The following DGKB variants were observed in gnomAD, a reference collection of about 807,000 sequenced individuals.
DGKB encodes diacylglycerol kinase beta.
In DGKB, 67 loss-of-function variants were observed where a neutral mutation model predicts 114.3. That is an observed-to-expected ratio of 0.59 (90% CI 0.48 to 0.72). The LOEUF (loss-of-function observed/expected upper bound fraction) is 0.72, where lower values mean the gene tolerates loss of function less well. DGKB is among the 30% of genes least tolerant of loss of function. The probability of loss-of-function intolerance (pLI) is 0.00; values close to 1 mark genes in which losing one functional copy is unlikely to be tolerated. For synonymous variants in DGKB, 398 were observed against 323.1 expected, an observed-to-expected ratio of 1.23 and a Z score of -2.49; for missense variants, 907 against 975.2, an observed-to-expected ratio of 0.93 and a Z score of 0.93.
intron 1 of DGKB, among the ~76,000 whole-genome samples, chr7:14,949,738 G>A (rs1017198839): frequency 6.6e-6 from 1 of 151,982 alleles, no homozygotes; most frequent in African/African-American, 2.4e-5. Flanking sequence ...TTAAGAAAAT[G>A]TGGCACATAT....
intron 12 of DGKB, among the ~76,000 whole-genome samples, chr7:14,679,129 C>A (rs1192806711): frequency 6.6e-6 from 1 of 151,866 alleles, no homozygotes; most frequent in Non-Finnish European, 1.5e-5. Context: ...GACAACTATC[C>A]ATCCTTCTAC....
At chr7:14,229,487 G>A (rs947665113) in intron 23 of DGKB, among the ~76,000 whole-genome samples, 21 of 152,082 alleles carry the variant, frequency 1.4e-4, no homozygotes, top group African/African-American at 4.6e-4. Flanking sequence ...TGGGTCTAGA[G>A]TTGTATATGC....
intron 25 of DGKB, chr7:14,176,334 T>A: frequency 1.0e-6 from 1 of 984,198 alleles, no homozygotes. Context: ...CCTTAAATAA[T>A]ACCTCATTCT....
chr7:14,918,064 A>T (rs888424045), intron 1 of DGKB, among the ~76,000 whole-genome samples: 2 of 152,162 alleles, frequency 1.3e-5, no homozygotes, highest in Non-Finnish European at 2.9e-5. Context: ...CCCATTCTTC[A>T]TGAAAAATCT....
At chr7:14,572,811 T>C (rs1798589723) in intron 20 of DGKB, among the ~76,000 whole-genome samples, 1 of 152,166 alleles carries the variant, frequency 6.6e-6, no homozygotes, top group Non-Finnish European at 1.5e-5. Context: ...GATGCAAAAC[T>C]CCTATATTGT....
At chr7:14,479,801 T>A (rs575513340) in intron 20 of DGKB, among the ~76,000 whole-genome samples, 1 of 152,222 alleles carries the variant, frequency 6.6e-6, no homozygotes, top group East Asian at 1.9e-4. Context: ...AATTAATTAA[T>A]TTTGAAATGC....
intron 20 of DGKB, among the ~76,000 whole-genome samples, chr7:14,544,104 A>C (rs2128625861): frequency 6.6e-6 from 1 of 152,368 alleles, no homozygotes; most frequent in East Asian, 1.9e-4. Context: ...TCCTTGAGTT[A>C]TAGATATAAG....
intron 7 of DGKB, among the ~76,000 whole-genome samples, chr7:14,701,261 A>T (rs1825120821): frequency 6.6e-6 from 1 of 152,232 alleles, no homozygotes; most frequent in African/African-American, 2.4e-5. Context: ...CTGGGAAAAT[A>T]ATGAGATAAT....
chr7:14,527,019 T>A (rs73287726), intron 20 of DGKB, among the ~76,000 whole-genome samples: 60 of 152,300 alleles, frequency 3.9e-4, no homozygotes, highest in African/African-American at 1.4e-3. Context: ...ATGCTAAATA[T>A]CCTCAGCATT....
At chr7:14,713,605 G>T (rs1827709793) in intron 6 of DGKB, among the ~76,000 whole-genome samples, 1 of 149,158 alleles carries the variant, frequency 6.7e-6, no homozygotes, top group South Asian at 2.1e-4. Flanking sequence ...ATAAACTGGT[G>T]GTGTAATTAA....
chr7:14,961,177 CAT>C (rs758209936), intron 1 of DGKB, among the ~76,000 whole-genome samples: 23 of 152,196 alleles, frequency 1.5e-4, no homozygotes, highest in Middle Eastern at 3.4e-3. Context: ...GAATTTTTAA[CAT>C]ATTTTGAAAA....
intron 25 of DGKB, chr7:14,176,633 A>G: frequency 7.7e-7 from 1 of 1,301,646 alleles, no homozygotes; most frequent in Non-Finnish European, 9.8e-7. Flanking sequence ...TAACACAAAC[A>G]TTCAAGAGCT....
rs184790928 is a variant in DGKB, at chr7:14,685,350, C to T, written c.724G>A (p.Asp242Asn). 19 of 1,613,244 alleles carry T rather than the reference C, an allele frequency of 1.2e-5. No homozygotes were observed. The Admixed American group carries it at 1.7e-4, about 14-fold the overall frequency. ...LLGLENNVKD[D>N]GQHVWRLKHF... ...TTCAGTCGCCACACGTGCTGTCCAT[C>T]ATCCTTCACGTTCTGCATGGGACGT... is the stretch of plus-strand genomic sequence containing the variant. The change falls in exon 10 of 26, where the codon GAT becomes AAT. Residue 242 changes from aspartate (D) to asparagine (N), a missense_variant. Asp to Asn is a conservative substitution (Grantham distance 23). Around this residue, in one of 3 missense-constraint regions of DGKB, gnomAD observed 814 missense variants for 856.6 expected, o/e 0.95. Coordinates refer to ENST00000402815, the MANE Select transcript of DGKB (RefSeq NM_001350709.2).
chr7:14,648,514 C>T (rs1585332097), intron 13 of DGKB, among the ~76,000 whole-genome samples: 1 of 17,308 alleles, frequency 5.8e-5, no homozygotes, highest in African/African-American at 1.3e-4. Flanking sequence ...TCATCAAACA[C>T]CAAAAGTAGA....
chr7:14,855,450 A>T (rs1261539907), intron 1 of DGKB, among the ~76,000 whole-genome samples: 1 of 152,184 alleles, frequency 6.6e-6, no homozygotes, highest in Non-Finnish European at 1.5e-5. Flanking sequence ...TGAAAATTTG[A>T]TTACATAAAC....
In DGKB at chr7:14,700,307, G is replaced by A. The variant is rs189050122; in HGVS notation, c.516+1374C>T. Among the ~76,000 whole-genome samples the A allele has an allele frequency of 4.7e-5, 7 of 150,388 alleles. 1 individual carries two copies. Among genetic ancestry groups the A allele is most frequent in the African/African-American group, 1.5e-4 (6 of 40,788 alleles). ...CGGCTCACTGCAACCTCCGCCTCCC[G>A]GGTTCAAGCGGTTCTCCTGCCTCAG... On this transcript the variant is annotated intron_variant, in intron 7 of 25. Transcript: ENST00000402815.
chr7:14,269,406 G>T (rs200598147), intron 23 of DGKB, among the ~76,000 whole-genome samples: 30 of 152,306 alleles, frequency 2.0e-4, no homozygotes, highest in East Asian at 1.5e-3. Context: ...CCACAAGTAG[G>T]TTTAAAGACT....
chr7:14,427,438 G>A (rs376338470), intron 21 of DGKB, among the ~76,000 whole-genome samples: 25 of 152,094 alleles, frequency 1.6e-4, no homozygotes, highest in Middle Eastern at 6.8e-3. Context: ...CCTCCAAACC[G>A]TTCCAACCTC....
intron 2 of DGKB, among the ~76,000 whole-genome samples, chr7:14,832,785 C>T (rs1399717743): frequency 1.3e-5 from 2 of 152,028 alleles, no homozygotes; most frequent in Non-Finnish European, 1.5e-5. Flanking sequence ...GCTCAATCTG[C>T]TTCCACTAAA....
Sources: gnomAD v4.1 joint callset for allele counts (sites outside exome capture counted in the v4.1 genomes callset) on GRCh38, gnomAD v4.1.1 for gene constraint, gnomAD v4.1.1 regional missense constraint, MANE v1.5 for transcripts, NCBI Gene and HGNC (gene_info 2026-07-23, HGNC 2026-07-21) for gene names.